Variants in ATRIP observed in about 807,000 individuals in gnomAD.
ATRIP encodes ATR interacting protein, also known as ATR-interacting protein.
ATRIP carries 44 observed loss-of-function variants against 78.1 expected under a neutral mutation model. The ratio of observed to expected loss-of-function variants is 0.56; its 90% CI spans 0.44 to 0.72. The LOEUF (loss-of-function observed/expected upper bound fraction) is 0.72, where lower values mean the gene tolerates loss of function less well. ATRIP is among the 30% of genes least tolerant of loss of function. The pLI is 0.00. For synonymous variants in ATRIP, 388 were observed against 408.9 expected, an observed-to-expected ratio of 0.95 and a Z score of 0.62; for missense variants, 927 against 980.2, an observed-to-expected ratio of 0.95 and a Z score of 0.72.
At chr3:48,460,002 C>T in intron 7 of ATRIP, 86 bp downstream of exon 7, 1 of 1,558,710 alleles carries the variant, frequency 6.4e-7, no homozygotes, top group South Asian at 1.2e-5. Flanking sequence ...CCTGAGAAGT[C>T]TGTGGGAAGG....
chr3:48,465,883 A>G lies in ATRIP; in HGVS notation c.*329A>G, dbSNP rs1043721615. On this transcript the variant is annotated 3_prime_UTR_variant, in exon 13 of 13. Coordinates refer to ENST00000320211, the MANE Select transcript of ATRIP (RefSeq NM_130384.3). ...AGAAACCATTGTGTGGCAGGGAAGGAGGTGGCTCTTGGCCCAGGCCTAAAC... is the reference window on the plus strand; with the variant it reads ...AGAAACCATTGTGTGGCAGGGAAGGGGGTGGCTCTTGGCCCAGGCCTAAAC... 1 of 319,752 alleles carries G rather than the reference A, an allele frequency of 3.1e-6. No individual in the cohort carries two copies. Among genetic ancestry groups the G allele is most frequent in the Non-Finnish European group, 6.0e-6 (1 of 165,764 alleles). The allele number at this position is 319,752 out of a possible 1,614,324, so 19.8% of individuals were successfully genotyped here.
chr3:48,449,770 CA>C lies in ATRIP; in HGVS notation c.248-246del, dbSNP rs779657943. Among the ~76,000 whole-genome samples the C allele has an allele frequency of 0.029, 1,265 of 43,318 alleles. 8 individuals are homozygous for C. Among genetic ancestry groups the C allele is most frequent in the African/African-American group, 0.084 (1,088 of 13,018 alleles). The allele number at this position is 43,318 out of a possible 152,430, so 28.4% of individuals were successfully genotyped here. A position where few individuals can be genotyped will look rare whatever the true frequency, so the allele number is the denominator to read the frequency against. ...GTGAAACGCCATCTCTACTAAAATC[CA>C]AAAAAAAAAAAAAAAAAAAAGCCAG... On this transcript the variant is annotated intron_variant, in intron 1 of 12. Transcript: ENST00000320211.
chr3:48,447,087 T>G lies in ATRIP; in HGVS notation c.242T>G (p.Val81Gly), dbSNP rs1166043854. The G allele has an allele frequency of 6.5e-7, 1 of 1,545,782 alleles. No homozygotes were observed. Among genetic ancestry groups the G allele is most frequent in the Middle Eastern group, 1.7e-4 (1 of 5,878 alleles). ...LSQCPAAARD[V>G]SSDHKVHRLL... ...CAATGTCCGGCCGCGGCTCGGGACG[T>G]GTCCAGTGAGTGCTCCTCGCGGCCT... The change falls in exon 1 of 13, where the codon GTG becomes GGG. Residue 81 changes from valine (V) to glycine (G), a missense_variant. Coordinates refer to ENST00000320211, the MANE Select transcript of ATRIP (RefSeq NM_130384.3).
At chr3:48,453,572 C>A (rs948706103) in intron 3 of ATRIP, among the ~76,000 whole-genome samples, 4 of 152,182 alleles carry the variant, frequency 2.6e-5, no homozygotes, top group Non-Finnish European at 4.4e-5. Flanking sequence ...GTGTCTGGTG[C>A]TGGGCCTGGC....
rs200785749 is a variant in ATRIP at position 48,464,967 on chromosome 3, C to T, written c.2192C>T (p.Ser731Leu). 20 of 1,614,118 alleles carry T rather than the reference C, an allele frequency of 1.2e-5. No homozygotes were observed. The highest frequency in any genetic ancestry group is 1.6e-4 in the Middle Eastern group (1 of 6,062). ...RDTVLLLHGL[S>L]QKDKLFMMHC... Reference sequence around the variant, plus strand: ...ACGGTGCTGCTGCTGCACGGCCTATCGCAGAAGGACAAGCTCTTCATGATG... The same window carrying T: ...ACGGTGCTGCTGCTGCACGGCCTATTGCAGAAGGACAAGCTCTTCATGATG... Residue 731 changes from serine (S) to leucine (L), a missense_variant, in exon 12 of 13, where the codon TCG (serine) becomes TTG (leucine). Physicochemically the swap from Ser to Leu is moderately radical, Grantham distance 145. Coordinates refer to ENST00000320211, the MANE Select transcript of ATRIP (RefSeq NM_130384.3).
intron 5 of ATRIP, among the ~76,000 whole-genome samples, chr3:48,458,323 G>GT (rs11398200): frequency 6.2e-4 from 87 of 139,250 alleles, no homozygotes; most frequent in Non-Finnish European, 7.3e-4. Context: ...TTCTTTTCTT[G>GT]TTTTTTTTTT....
chr3:48,456,417 AATAACTCTATCTCT>A (rs2039955796), intron 4 of ATRIP, among the ~76,000 whole-genome samples: 29 of 147,896 alleles, frequency 2.0e-4, no homozygotes, highest in Admixed American at 6.3e-4. Context: ...TATCTCTAGA[AATAACTCTATCTCT>A]AGAAAGAATA....
At chr3:48,461,971 G>A (rs1213606910) in intron 8 of ATRIP, among the ~76,000 whole-genome samples, 1 of 152,166 alleles carries the variant, frequency 6.6e-6, no homozygotes, top group Non-Finnish European at 1.5e-5. Context: ...CTGCCAAAGT[G>A]CAAGGATTAC....
Position 48,446,773 on chromosome 3 carries a change from T to TGGTCCAGTTCTCCGGCC in ATRIP, c.-72_-56dup. 3 of 1,335,226 alleles carry TGGTCCAGTTCTCCGGCC rather than the reference T, an allele frequency of 2.2e-6. No homozygotes were observed. The highest frequency in any genetic ancestry group is 2.9e-6 in the Non-Finnish European group (3 of 1,040,476). The allele number at this position is 1,335,226 out of a possible 1,614,324, so 82.7% of individuals were successfully genotyped here. On this transcript the variant is annotated 5_prime_UTR_variant, in exon 1 of 13. Transcript: ENST00000320211. Reference sequence around the variant, plus strand: ...AGGCAAGCGGCGGCGCGCGGACGGTTGGTCCAGTTCTCCGGCCTGGCGGCA... The same window carrying TGGTCCAGTTCTCCGGCC: ...AGGCAAGCGGCGGCGCGCGGACGGTTGGTCCAGTTCTCCGGCCGGTCCAGTTCTCCGGCCTGGCGGCA...
rs762011967 is a variant in ATRIP, at chr3:48,467,128, C to T, written c.*1574C>T. 5.6e-5 allele frequency: 90 copies of T among 1,613,852 alleles called. No individual in the cohort carries two copies. Among genetic ancestry groups the T allele is most frequent in the Non-Finnish European group, 6.8e-5 (80 of 1,180,030 alleles). Reference sequence around the variant, plus strand: ...GCCTTCTGTGTGGATAGCATCACTGCGCTGAAGGCCCTGGAGCGAGCAAGC... The same window carrying T: ...GCCTTCTGTGTGGATAGCATCACTGTGCTGAAGGCCCTGGAGCGAGCAAGC... On this transcript the variant is annotated 3_prime_UTR_variant, in exon 13 of 13. Coordinates refer to ENST00000320211, the MANE Select transcript of ATRIP (RefSeq NM_130384.3).
chr3:48,457,294 A>G lies in ATRIP; in HGVS notation c.707A>G (p.Glu236Gly). 6.2e-7 allele frequency: 1 copy of G among 1,600,602 alleles called. No individual in the cohort carries two copies. The highest frequency in any genetic ancestry group is 8.5e-7 in the Non-Finnish European group (1 of 1,174,598). The change falls in exon 5 of 13, where the codon GAA (glutamate) becomes GGA (glycine). Residue 236 changes from glutamate (E) to glycine (G), a missense_variant. Glu to Gly is a moderately conservative substitution (Grantham distance 98, BLOSUM62 -2). Coordinates refer to ENST00000320211, the MANE Select transcript of ATRIP (RefSeq NM_130384.3). The stretch of plus-strand genomic sequence containing the variant: ...AACCCTTCTGTGGTTATAAAGCCAG[A>G]AGCATGTTCTCCACAATTTGGAAAA... ...RKNPSVVIKP[E>G]ACSPQFGKTS...
chr3:48,465,726 G>T lies in ATRIP; in HGVS notation c.*172G>T. On this transcript the variant is annotated 3_prime_UTR_variant, in exon 13 of 13. Coordinates refer to ENST00000320211, the MANE Select transcript of ATRIP (RefSeq NM_130384.3). ...GTGGAGCAGGACCCGGACCCTGAGT[G>T]GCTGGGATCCTTCTTCCTGTCCCTG... 1.6e-6 allele frequency: 1 copy of T among 621,090 alleles called. No homozygotes were observed. Among genetic ancestry groups the T allele is most frequent in the Non-Finnish European group, 2.8e-6 (1 of 358,670 alleles). 38.5% of individuals were successfully genotyped at this position (621,090 alleles called of 1,614,324 possible).
chr3:48,460,740 C>T lies in ATRIP; in HGVS notation c.1686C>T (p.Thr562=), dbSNP rs761268572. 1.2e-5 allele frequency: 20 copies of T among 1,610,976 alleles called. No individual in the cohort carries two copies. In the Admixed American group the frequency reaches 3.3e-4, roughly 27 times the overall value. ...ATGHLQASVL[T]QCLKVLVKLA... ...GTCACCTTCAAGCCAGTGTCCTGACCCAGTGCCTTAAGGTTTTGGTGAAAT... is the reference window on the plus strand; with the variant it reads ...GTCACCTTCAAGCCAGTGTCCTGACTCAGTGCCTTAAGGTTTTGGTGAAAT... Residue 562 remains threonine, a synonymous_variant, in exon 8 of 13, where the codon ACC becomes ACT. Coordinates refer to ENST00000320211, the MANE Select transcript of ATRIP (RefSeq NM_130384.3).
chr3:48,448,557 T>A (rs1315856722), intron 1 of ATRIP, among the ~76,000 whole-genome samples: 1 of 152,284 alleles, frequency 6.6e-6, no homozygotes, highest in East Asian at 1.9e-4. Context: ...TAACATGGCC[T>A]GAAAGGCCCA....
In ATRIP at chr3:48,460,564, T is replaced by A. The variant is rs1381219310; in HGVS notation, c.1510T>A (p.Ser504Thr). 1.2e-6 allele frequency: 2 copies of A among 1,614,130 alleles called. No individual in the cohort carries two copies. The highest frequency in any genetic ancestry group is 1.7e-6 in the Non-Finnish European group (2 of 1,180,016). Residue 504 changes from serine (S) to threonine (T), a missense_variant, in exon 8 of 13, where the codon TCT (serine) becomes ACT (threonine). Ser to Thr is a moderately conservative substitution (Grantham distance 58). Transcript: ENST00000320211. ...ATTACTGTCAGGAGTGGGGGCAGAT[T>A]CTGCTGCTGGGGAAGGAAACAGGAG... Reference protein sequence around the residue: ...SLLLSGVGADSAAGEGNRSLV... With the variant: ...SLLLSGVGADTAAGEGNRSLV...
chr3:48,452,007 A>G lies in ATRIP; in HGVS notation c.552+108A>G, dbSNP rs530809060. On this transcript the variant is annotated intron_variant, in intron 3 of 12. Transcript: ENST00000320211. ...AGATTTCAACACTTGTTTGTCTTAA[A>G]TACTTTCTGCTATCATCTCATTGCC... 26 of 1,129,424 alleles carry G rather than the reference A, an allele frequency of 2.3e-5. No homozygotes were observed. The African/African-American group carries it at 3.8e-4, about 16-fold the overall frequency. The allele number at this position is 1,129,424 out of a possible 1,614,324, so 70.0% of individuals were successfully genotyped here.
rs531410004 is a variant in ATRIP at position 48,466,251 on chromosome 3, C to T, written c.*697C>T. 5.4e-5 allele frequency: 33 copies of T among 609,546 alleles called. No individual in the cohort carries two copies. Among genetic ancestry groups the T allele is most frequent in the African/African-American group, 2.8e-4 (15 of 54,504 alleles). 37.8% of individuals were successfully genotyped at this position (609,546 alleles called of 1,614,324 possible). The stretch of plus-strand genomic sequence containing the variant: ...TTTCACTTCCCGCCACTGCTGCCAG[C>T]GAGAGCCGCGGGAGAGTGTGCAGCC... On this transcript the variant is annotated 3_prime_UTR_variant, in exon 13 of 13. Transcript: ENST00000320211.
At chr3:48,452,067 G>T (rs2039850202) in intron 3 of ATRIP, among the ~76,000 whole-genome samples, 168 bp downstream of exon 3, 1 of 152,186 alleles carries the variant, frequency 6.6e-6, no homozygotes, top group Non-Finnish European at 1.5e-5. Flanking sequence ...ATATATTTTG[G>T]AAAGGGATTT....
Position 48,451,655 on chromosome 3 carries a change from A to G in ATRIP, c.382-74A>G, listed in dbSNP as rs1233063610. On this transcript the variant is annotated intron_variant, in intron 2 of 12. Transcript: ENST00000320211. ...TTCCTGTGCTTTCTCCATCTCCCCA[A>G]CTACATGTTAAAACAAAGTACCTAA... is the stretch of plus-strand genomic sequence containing the variant. 9.1e-6 allele frequency: 12 copies of G among 1,314,362 alleles called. No individual in the cohort carries two copies. The East Asian group carries it at 2.1e-4, about 23-fold the overall frequency. The allele number at this position is 1,314,362 out of a possible 1,614,324, so 81.4% of individuals were successfully genotyped here.
Sources: allele counts gnomAD v4.1 joint callset (sites outside exome capture counted in the v4.1 genomes callset), GRCh38; gene constraint gnomAD v4.1.1; transcripts MANE v1.5; gene names NCBI Gene and HGNC (gene_info 2026-07-23, HGNC 2026-07-21).